Variants in AATF observed in about 807,000 individuals in gnomAD.
The protein encoded by AATF is apoptosis antagonizing transcription factor.
A neutral mutation model predicts 63.7 loss-of-function variants in AATF; 48 were observed. That is an observed-to-expected ratio of 0.75 (90% confidence interval 0.60 to 0.96). The LOEUF is 0.96. Ranked by LOEUF, AATF falls within the 40% of genes least tolerant of loss-of-function variation. AATF has a pLI of 0.00. For synonymous variants in AATF, 258 were observed against 247.7 expected (o/e 1.04, Z -0.39); for missense variants, 639 against 685.7 (o/e 0.93, Z 0.76).
chr17:37,025,086 G>T (rs1393883435), intron 10 of AATF, among the ~76,000 whole-genome samples: 1 of 152,214 alleles, frequency 6.6e-6, no homozygotes, highest in African/African-American at 2.4e-5. Flanking sequence ...TTACTTAAGA[G>T]TGGCCACACA....
chr17:36,959,760 A>G (rs2070931462), intron 4 of AATF, among the ~76,000 whole-genome samples: 1 of 152,194 alleles, frequency 6.6e-6, no homozygotes. Flanking sequence ...AATATCATTA[A>G]AGACCTTTAA....
intron 8 of AATF, among the ~76,000 whole-genome samples, chr17:36,994,496 G>A (rs2071239284): frequency 6.6e-6 from 1 of 152,188 alleles, no homozygotes; most frequent in South Asian, 2.1e-4. Flanking sequence ...AATGGTGAAG[G>A]TTTTATGAGA....
intron 4 of AATF, among the ~76,000 whole-genome samples, chr17:36,971,151 G>C (rs1218932628): frequency 6.6e-6 from 1 of 152,094 alleles, no homozygotes; most frequent in Non-Finnish European, 1.5e-5. Context: ...TATAGACCAA[G>C]AGGAAATGTT....
At chr17:36,970,279 G>C (rs1255445353) in intron 4 of AATF, among the ~76,000 whole-genome samples, 1 of 152,146 alleles carries the variant, frequency 6.6e-6, no homozygotes, top group Non-Finnish European at 1.5e-5. Flanking sequence ...AGAACATTTG[G>C]TATGTTCTTA....
In AATF at chr17:36,950,297, C is replaced by G. The variant is rs1374613242; in HGVS notation, c.175C>G (p.Leu59Val). The change falls in exon 2 of 12, where the codon CTG (leucine) becomes GTG (valine). Residue 59 changes from leucine (L) to valine (V), a missense_variant. Leu to Val is a conservative substitution (Grantham distance 32). Transcript: ENST00000619387. ...CCTAGTAGTGGGTAGCATTAGAAAA[C>G]TGGCATCAGCCTCCCTCTTGGACAC... is the stretch of plus-strand genomic sequence containing the variant. ...DFLVVGSIRK[L>V]ASASLLDTDK... The G allele has an allele frequency of 6.2e-7, 1 of 1,614,182 alleles. No individual in the cohort carries two copies. Among genetic ancestry groups the G allele is most frequent in the Non-Finnish European group, 8.5e-7 (1 of 1,180,020 alleles).
chr17:36,979,000 G>A (rs2071100305), intron 4 of AATF, among the ~76,000 whole-genome samples: 1 of 151,964 alleles, frequency 6.6e-6, no homozygotes, highest in Non-Finnish European at 1.5e-5. Flanking sequence ...CCCGCGAGTT[G>A]CACAATAATC....
intron 11 of AATF, among the ~76,000 whole-genome samples, chr17:37,043,472 T>C (rs2071661352): frequency 6.6e-6 from 1 of 152,184 alleles, no homozygotes; most frequent in South Asian, 2.1e-4. Flanking sequence ...ACCCATTCTG[T>C]TTGTTCCTCC....
intron 11 of AATF, among the ~76,000 whole-genome samples, chr17:37,042,227 T>C (rs1270012300): frequency 2.0e-5 from 3 of 152,104 alleles, no homozygotes; most frequent in Non-Finnish European, 4.4e-5. Context: ...GGGGGTGTTT[T>C]TCATTGTTTT....
chr17:37,026,486 G>T (rs1045115561), intron 10 of AATF, among the ~76,000 whole-genome samples: 42 of 152,234 alleles, frequency 2.8e-4, no homozygotes, highest in African/African-American at 9.4e-4. Flanking sequence ...GAGGCAGAAA[G>T]AGCATAAGCT....
Position 36,952,990 on chromosome 17 carries a change from T to C in AATF, c.388T>C (p.Cys130Arg). ...DDLGAAEEQE[C>R]GDHRESKKSR... ...CCTGGGTGCTGCTGAGGAACAGGAG[T>C]GTGGTGATCACAGGGAGAGCAAGAA... Residue 130 changes from cysteine (C) to arginine (R), a missense_variant, in exon 3 of 12, where the codon TGT (cysteine) becomes CGT (arginine). Coordinates refer to ENST00000619387, the MANE Select transcript of AATF (RefSeq NM_012138.4). The C allele has an allele frequency of 1.2e-6, 2 of 1,613,654 alleles. No homozygotes were observed. The highest frequency in any genetic ancestry group is 2.7e-5 in the African/African-American group (2 of 74,794).
intron 8 of AATF, among the ~76,000 whole-genome samples, chr17:37,016,859 A>G (rs908194861): frequency 1.3e-5 from 2 of 152,168 alleles, no homozygotes; most frequent in African/African-American, 4.8e-5. Context: ...TTTTCTTACC[A>G]TGGACACAAC....
chr17:36,955,479 A>G (rs954578750), intron 4 of AATF, among the ~76,000 whole-genome samples: 1 of 152,122 alleles, frequency 6.6e-6, no homozygotes, highest in Non-Finnish European at 1.5e-5. Context: ...TCTCTCTCAA[A>G]TAGATGACAG....
At chr17:36,988,030 AG>A (rs1233800725) in intron 5 of AATF, among the ~76,000 whole-genome samples, 1 of 152,200 alleles carries the variant, frequency 6.6e-6, no homozygotes, top group Non-Finnish European at 1.5e-5. Flanking sequence ...AAGTTACATG[AG>A]GCTGGGTGTG....
intron 8 of AATF, 135 bp downstream of exon 8, chr17:36,990,992 A>G (rs1217016503): frequency 1.8e-6 from 1 of 541,090 alleles, no homozygotes; most frequent in Non-Finnish European, 3.2e-6. Flanking sequence ...CGCGTTCAAA[A>G]TTGACTTACA....
intron 8 of AATF, among the ~76,000 whole-genome samples, chr17:37,010,483 T>C (rs2071382416): frequency 2.0e-5 from 3 of 151,974 alleles, no homozygotes; most frequent in African/African-American, 7.3e-5. Flanking sequence ...ATTATTATTT[T>C]CCCCTCTGTG....
chr17:36,992,220 AT>A (rs946454797), intron 8 of AATF, among the ~76,000 whole-genome samples: 6 of 152,074 alleles, frequency 3.9e-5, no homozygotes, highest in East Asian at 1.9e-4. Context: ...CTTTCTATTA[AT>A]TTTTTTTATT....
intron 8 of AATF, among the ~76,000 whole-genome samples, chr17:36,993,541 G>A (rs1467010887): frequency 6.6e-6 from 1 of 152,114 alleles, no homozygotes; most frequent in Non-Finnish European, 1.5e-5. Flanking sequence ...CAATTAAATT[G>A]GCTTCATAAA....
Position 37,032,610 on chromosome 17 carries a change from C to T in AATF, c.1619+925C>T, listed in dbSNP as rs534188451. On this transcript the variant is annotated intron_variant, in intron 11 of 11. Transcript: ENST00000619387. ...CTATTTCTAGACCTGTCAGCAGAGA[C>T]GGGAAGTGTATGTATATACACTCAC... Among the ~76,000 whole-genome samples, 6 of 152,238 alleles carry T rather than the reference C, an allele frequency of 3.9e-5. No individual in the cohort carries two copies. In the South Asian group the frequency reaches 6.2e-4, roughly 16 times the overall value.
At position 37,040,482 on chromosome 17, in the gene AATF, C is replaced by T. The variant is rs570899034; in HGVS notation, c.1619+8797C>T. On this transcript the variant is annotated intron_variant, in intron 11 of 11. Transcript: ENST00000619387. The stretch of plus-strand genomic sequence containing the variant: ...ATTTGTTCCTCATTTAAAAAAAAAA[C>T]AGTGATTGATGTTATCTGCATTTTA... Among the ~76,000 whole-genome samples, 8 of 135,276 alleles carry T rather than the reference C, an allele frequency of 5.9e-5. No individual in the cohort carries two copies. In the South Asian group the frequency reaches 1.9e-3, roughly 33 times the overall value. 88.7% of individuals were successfully genotyped at this position (135,276 alleles called of 152,430 possible). A position where few individuals can be genotyped will look rare whatever the true frequency, so the allele number is the denominator to read the frequency against.
Sources: allele counts gnomAD v4.1 joint callset (sites outside exome capture counted in the v4.1 genomes callset), GRCh38; gene constraint gnomAD v4.1.1; transcripts MANE v1.5; gene names NCBI Gene and HGNC (gene_info 2026-07-23, HGNC 2026-07-21).